The following DENND1A variants were observed in gnomAD, a reference collection of about 807,000 sequenced individuals.
DENND1A encodes DENN domain containing 1A.
Under a neutral mutation model 113.7 loss-of-function variants are expected in DENND1A, and 51 were observed. That is an observed-to-expected ratio of 0.45 (90% CI 0.36 to 0.57). The LOEUF is 0.57. Ranked by LOEUF, DENND1A falls within the 20% of genes least tolerant of loss-of-function variation. DENND1A has a pLI of 0.00. For synonymous variants in DENND1A, 565 were observed against 570.8 expected (o/e 0.99, Z 0.14); for missense variants, 1,258 against 1,395.9 (o/e 0.90, Z 1.57).
At chr9:123,613,004 T>C (rs1198947248) in intron 10 of DENND1A, among the ~76,000 whole-genome samples, 3 of 152,168 alleles carry the variant, frequency 2.0e-5, no homozygotes, top group African/African-American at 7.2e-5. Context: ...TTCTGTAGCA[T>C]ACCCGCTCTA....
intron 12 of DENND1A, among the ~76,000 whole-genome samples, chr9:123,565,876 T>G (rs938109468): frequency 3.3e-5 from 5 of 152,260 alleles, no homozygotes; most frequent in Non-Finnish European, 5.9e-5. Flanking sequence ...GAATAGTTTC[T>G]GTAAGAACAA....
At chr9:123,427,225 C>T (rs963211368) in intron 19 of DENND1A, among the ~76,000 whole-genome samples, 17 of 152,360 alleles carry the variant, frequency 1.1e-4, no homozygotes, top group Middle Eastern at 6.8e-3. Flanking sequence ...ATCAGGATTA[C>T]GTTGAACCAC....
chr9:123,600,918 AG>A (rs1472522506), intron 11 of DENND1A, among the ~76,000 whole-genome samples: 4 of 152,174 alleles, frequency 2.6e-5, no homozygotes, highest in African/African-American at 9.6e-5. Context: ...AGTGCCCACG[AG>A]CTCTCTGTTA....
intron 2 of DENND1A, among the ~76,000 whole-genome samples, chr9:123,861,941 TC>T (rs1461500744): frequency 1.3e-5 from 2 of 152,154 alleles, no homozygotes; most frequent in African/African-American, 4.8e-5. Flanking sequence ...AAAGAGGCTT[TC>T]CTTTCCAAAT....
chr9:123,834,365 G>A (rs138286782), intron 2 of DENND1A, among the ~76,000 whole-genome samples: 7 of 152,302 alleles, frequency 4.6e-5, no homozygotes, highest in Admixed American at 4.6e-4. Flanking sequence ...CTATGAGGAG[G>A]AATAAATTAT....
intron 13 of DENND1A, among the ~76,000 whole-genome samples, chr9:123,536,935 T>A (rs2055829326): frequency 6.6e-6 from 1 of 151,300 alleles, no homozygotes; most frequent in Non-Finnish European, 1.5e-5. Context: ...TCAGGAAACC[T>A]AATTTCACAT....
In DENND1A at chr9:123,473,986, CTTTTTTTTT is replaced by C. The variant is rs5900577; in HGVS notation, c.994-16098_994-16090del. Among the ~76,000 whole-genome samples, 21 of 70,718 alleles carry C rather than the reference CTTTTTTTTT, an allele frequency of 3.0e-4. No individual in the cohort carries two copies. In the East Asian group the frequency reaches 4.6e-3, roughly 16 times the overall value. 46.4% of individuals were successfully genotyped at this position (70,718 alleles called of 152,430 possible). On this transcript the variant is annotated intron_variant, in intron 13 of 23. Coordinates refer to ENST00000394215, the MANE Select transcript of DENND1A (RefSeq NM_001352964.2). ...AAATGGGGTAACGTTTACTTTCTTT[CTTTTTTTTT>C]TTTTTTTTTTTTTTTTTGAGATGGA... is the stretch of plus-strand genomic sequence containing the variant.
intron 16 of DENND1A, among the ~76,000 whole-genome samples, 199 bp downstream of exon 16, chr9:123,454,540 C>T (rs548734561): frequency 6.6e-6 from 1 of 152,180 alleles, no homozygotes; most frequent in Admixed American, 6.5e-5. Flanking sequence ...CTTTTTCAGC[C>T]CCCACCAAGT....
intron 11 of DENND1A, among the ~76,000 whole-genome samples, chr9:123,607,896 G>A (rs1174711180): frequency 2.0e-5 from 3 of 152,018 alleles, no homozygotes; most frequent in African/African-American, 7.2e-5. Context: ...AAGCGGGAGG[G>A]AACTGTGGAC....
chr9:123,920,614 C>A (rs1300663579), intron 1 of DENND1A, among the ~76,000 whole-genome samples: 1 of 152,102 alleles, frequency 6.6e-6, no homozygotes, highest in Non-Finnish European at 1.5e-5. Flanking sequence ...AGCTAGAGTA[C>A]AGTGGTGCAA....
intron 13 of DENND1A, among the ~76,000 whole-genome samples, chr9:123,516,884 CAAAAAAAAAAAAAAA>C (rs546001517): frequency 8.6e-5 from 8 of 93,394 alleles, no homozygotes; most frequent in East Asian, 2.7e-4. Context: ...GACTCTGTCT[CAAAAAAAAAAAAAAA>C]AAAAAAAAAA....
intron 2 of DENND1A, among the ~76,000 whole-genome samples, chr9:123,844,084 G>T (rs1442244294): frequency 7.6e-6 from 1 of 131,336 alleles, no homozygotes; most frequent in African/African-American, 4.1e-5. Context: ...GCTGATAAAG[G>T]GCATCTAAAA....
At chr9:123,582,123 C>A (rs577703884) in intron 12 of DENND1A, among the ~76,000 whole-genome samples, 84 of 152,308 alleles carry the variant, frequency 5.5e-4, no homozygotes, top group African/African-American at 1.9e-3. Flanking sequence ...GACAGCACTG[C>A]CACCCGATAC....
chr9:123,807,118 A>C (rs1287559302), intron 2 of DENND1A, among the ~76,000 whole-genome samples: 1 of 152,224 alleles, frequency 6.6e-6, no homozygotes, highest in East Asian at 1.9e-4. Flanking sequence ...CTGTAATAGC[A>C]GTTATCATTT....
chr9:123,808,493 G>A lies in DENND1A; in HGVS notation c.89-15863C>T, dbSNP rs567838255. ...ACTCCTGGGCTCAAATGATCCTCCC[G>A]CCTCAGCCTCCCAAGTAGCTGGACC... On this transcript the variant is annotated intron_variant, in intron 2 of 23. Transcript: ENST00000394215. Among the ~76,000 whole-genome samples the A allele has an allele frequency of 8.6e-5, 13 of 150,614 alleles. No homozygotes were observed. In the East Asian group the frequency reaches 1.2e-3, roughly 14 times the overall value.
intron 19 of DENND1A, chr9:123,413,655 C>A (rs893380505): frequency 3.6e-5 from 35 of 985,366 alleles, no homozygotes; most frequent in Non-Finnish European, 2.3e-5. Flanking sequence ...TAGAATGACA[C>A]CGTGGCTTCC....
chr9:123,387,846 G>C lies in DENND1A; in HGVS notation c.1644C>G (p.Pro548=), dbSNP rs954713231. 5 of 1,289,942 alleles carry C rather than the reference G, an allele frequency of 3.9e-6. No individual in the cohort carries two copies. Among genetic ancestry groups the C allele is most frequent in the Non-Finnish European group, 2.0e-6 (2 of 988,938 alleles). 79.9% of individuals were successfully genotyped at this position (1,289,942 alleles called of 1,614,324 possible). A position where few individuals can be genotyped will look rare whatever the true frequency, so the allele number is the denominator to read the frequency against. The change falls in exon 22 of 24, where the codon CCC becomes CCG. Residue 548 remains proline (P), a synonymous_variant. Coordinates refer to ENST00000394215, the MANE Select transcript of DENND1A (RefSeq NM_001352964.2). ...SVPSPEHLVK[P]LRHYAVFLSE... Reference sequence around the variant, plus strand: ...AGAGGAAGACCGCATAGTGTCGCAAGGGCTTTACCAGGCTGGGGCAGAGGA... The same window carrying C: ...AGAGGAAGACCGCATAGTGTCGCAACGGCTTTACCAGGCTGGGGCAGAGGA...
intron 13 of DENND1A, among the ~76,000 whole-genome samples, chr9:123,526,767 C>T (rs1258116143): frequency 6.6e-6 from 1 of 152,182 alleles, no homozygotes; most frequent in Non-Finnish European, 1.5e-5. Flanking sequence ...TTTGCCAGCC[C>T]CTCTTTCTTT....
chr9:123,395,246 A>G (rs2131127581), intron 21 of DENND1A, among the ~76,000 whole-genome samples: 1 of 152,136 alleles, frequency 6.6e-6, no homozygotes, highest in Non-Finnish European at 1.5e-5. Context: ...CCCTGTGGTG[A>G]CAGCTCCTGG....
Sources: allele counts gnomAD v4.1 joint callset (sites outside exome capture counted in the v4.1 genomes callset), GRCh38; gene constraint gnomAD v4.1.1; transcripts MANE v1.5; gene names NCBI Gene and HGNC (gene_info 2026-07-23, HGNC 2026-07-21).